The following TAB2 variants were observed in gnomAD, a reference collection of about 807,000 sequenced individuals.
The protein encoded by TAB2 is TGF-beta-activated kinase 1 and MAP3K7-binding protein 2.
TAB2 carries 3 observed loss-of-function variants against 65.0 expected under a neutral mutation model. That is an observed-to-expected ratio of 0.05 (90% CI 0.02 to 0.12). The LOEUF is 0.12. Among genes scored for constraint, TAB2 ranks in the 10% least tolerant of loss-of-function variants. The probability of loss-of-function intolerance (pLI) is 1.00; values close to 1 mark genes in which losing one functional copy is unlikely to be tolerated. For missense variants in TAB2, 623 were observed against 840.3 expected (o/e 0.74, Z 3.20); for synonymous variants, 298 against 285.1 (o/e 1.05, Z -0.46).
At chr6:149,219,285 A>T (rs1466195038) in intron 1 of TAB2, among the ~76,000 whole-genome samples, 3 of 150,234 alleles carry the variant, frequency 2.0e-5, no homozygotes, top group Non-Finnish European at 4.4e-5. Context: ...TTTGCTTACC[A>T]AGTGTTTCAT....
chr6:149,357,430 A>AAAAAACACACACACACACACACAC, intron 1 of TAB2, among the ~76,000 whole-genome samples: 2 of 111,144 alleles, frequency 1.8e-5, no homozygotes, highest in African/African-American at 6.9e-5. Flanking sequence ...AGAAAAAAAA[A>AAAAAACACACACACACACACACAC]ACACACACAC....
chr6:149,279,805 A>G (rs906537951), intron 1 of TAB2, among the ~76,000 whole-genome samples: 1 of 152,204 alleles, frequency 6.6e-6, no homozygotes, highest in Non-Finnish European at 1.5e-5. Context: ...TCCCCCAAAC[A>G]TTCTAACCTC....
chr6:149,316,517 G>A (rs1284650904), upstream of TAB2, among the ~76,000 whole-genome samples: 2 of 152,206 alleles, frequency 1.3e-5, no homozygotes, highest in African/African-American at 2.4e-5. Flanking sequence ...CAGGGATATG[G>A]ACATTTTGGA....
intron 1 of TAB2, among the ~76,000 whole-genome samples, chr6:149,357,305 G>T (rs1361432945): frequency 1.3e-5 from 2 of 151,568 alleles, no homozygotes; most frequent in East Asian, 3.9e-4. Flanking sequence ...AGTCCCAACT[G>T]CTCAGGAGGC....
intron 1 of TAB2, among the ~76,000 whole-genome samples, chr6:149,364,330 G>T (rs1780969023): frequency 6.6e-6 from 1 of 152,008 alleles, no homozygotes. Flanking sequence ...CATGATTTGG[G>T]CCCTACCTAT....
At chr6:149,231,019 C>T (rs149595322) in intron 1 of TAB2, among the ~76,000 whole-genome samples, 2 of 152,266 alleles carry the variant, frequency 1.3e-5, no homozygotes, top group East Asian at 3.9e-4. Flanking sequence ...AGCTGGTCAG[C>T]CCACTTCCCA....
chr6:149,388,954 CTTTTTTT>C (rs61577861), intron 3 of TAB2, among the ~76,000 whole-genome samples: 74 of 113,710 alleles, frequency 6.5e-4, no homozygotes, highest in Non-Finnish European at 8.4e-4. Flanking sequence ...TAACAGAAAT[CTTTTTTT>C]TTTTTTTTTT....
At chr6:149,279,190 A>C (rs9498278) in intron 1 of TAB2, among the ~76,000 whole-genome samples, 12,761 of 152,164 alleles carry the variant, frequency 0.084, 868 homozygotes, top group African/African-American at 0.19. Flanking sequence ...GAGAGTTTTC[A>C]GTGTTCACCG....
intron 3 of TAB2, among the ~76,000 whole-genome samples, chr6:149,387,155 C>T (rs1781833098): frequency 6.6e-6 from 1 of 152,034 alleles, no homozygotes; most frequent in African/African-American, 2.4e-5. Context: ...GTTTGGTGTC[C>T]TAAGAAACAG....
chr6:149,330,012 C>A (rs113417241), intron 1 of TAB2, among the ~76,000 whole-genome samples: 1 of 152,268 alleles, frequency 6.6e-6, no homozygotes, highest in African/African-American at 2.4e-5. Flanking sequence ...CAACCACTTA[C>A]CTGCTTCTGT....
chr6:149,295,239 C>T (rs1453451223), intron 1 of TAB2, among the ~76,000 whole-genome samples: 1 of 152,202 alleles, frequency 6.6e-6, no homozygotes, highest in Non-Finnish European at 1.5e-5. Flanking sequence ...CCCATTATCT[C>T]TCCTTTGAAG....
Position 149,409,867 on chromosome 6 carries a change from C to T in TAB2, c.*148C>T, listed in dbSNP as rs950556246. The T allele has an allele frequency of 2.3e-6, 2 of 872,744 alleles. No homozygotes were observed. The highest frequency in any genetic ancestry group is 3.7e-6 in the Non-Finnish European group (2 of 541,406). 54.1% of individuals were successfully genotyped at this position (872,744 alleles called of 1,614,324 possible). A position where few individuals can be genotyped will look rare whatever the true frequency, so the allele number is the denominator to read the frequency against. The stretch of plus-strand genomic sequence containing the variant: ...TCTGCTAATGTTAAATGTCAGCCCA[C>T]AGAGCTAATAATACCTCAGTATAAT... On this transcript the variant is annotated 3_prime_UTR_variant, in exon 7 of 7. Coordinates refer to ENST00000637181, the MANE Select transcript of TAB2 (RefSeq NM_001292034.3).
chr6:149,289,859 C>G (rs988136918), intron 1 of TAB2, among the ~76,000 whole-genome samples: 1 of 151,982 alleles, frequency 6.6e-6, no homozygotes, highest in African/African-American at 2.4e-5. Flanking sequence ...TGGTTCTGTC[C>G]GGAAAGAAGG....
At chr6:149,362,270 GT>G (rs753862680) in intron 1 of TAB2, among the ~76,000 whole-genome samples, 18 of 152,218 alleles carry the variant, frequency 1.2e-4, no homozygotes, top group Non-Finnish European at 2.4e-4. Flanking sequence ...TCGGCTCATG[GT>G]TCTGCAGGCT....
At chr6:149,239,942 T>C (rs1454479549) in intron 1 of TAB2, among the ~76,000 whole-genome samples, 1 of 152,102 alleles carries the variant, frequency 6.6e-6, no homozygotes, top group Non-Finnish European at 1.5e-5. Flanking sequence ...AAATTCTCAG[T>C]CACAGGACTA....
At chr6:149,389,956 A>C (rs941560973) in intron 3 of TAB2, among the ~76,000 whole-genome samples, 1 of 152,234 alleles carries the variant, frequency 6.6e-6, no homozygotes. Flanking sequence ...ATCATTCCTC[A>C]TACTTTTATT....
chr6:149,320,779 C>T (rs1312458702), intron 1 of TAB2, among the ~76,000 whole-genome samples: 2 of 152,018 alleles, frequency 1.3e-5, no homozygotes, highest in Non-Finnish European at 2.9e-5. Flanking sequence ...TCCTGATAAT[C>T]TTTATAATAT....
At chr6:149,329,129 T>A (rs908663662) in intron 1 of TAB2, among the ~76,000 whole-genome samples, 1 of 152,170 alleles carries the variant, frequency 6.6e-6, no homozygotes, top group Non-Finnish European at 1.5e-5. Context: ...TAAAGGAGAT[T>A]TAACTTCATC....
intron 1 of TAB2, among the ~76,000 whole-genome samples, chr6:149,265,856 C>T (rs1437527804): frequency 1.3e-5 from 2 of 152,186 alleles, no homozygotes; most frequent in African/African-American, 4.8e-5. Flanking sequence ...GCAGGTCCCA[C>T]ATAAATTCTC....
Sources: gnomAD v4.1 joint callset for allele counts (sites outside exome capture counted in the v4.1 genomes callset) on GRCh38, gnomAD v4.1.1 for gene constraint, MANE v1.5 for transcripts, NCBI Gene and HGNC (gene_info 2026-07-23, HGNC 2026-07-21) for gene names.